GRID2: variants seen among roughly 807,000 people sequenced by gnomAD.
The protein encoded by GRID2 is glutamate ionotropic receptor delta type subunit 2.
In GRID2, 33 loss-of-function variants were observed where a neutral mutation model predicts 114.8. The observed-to-expected ratio is 0.29, with a 90% confidence interval of 0.22 to 0.38. The LOEUF (loss-of-function observed/expected upper bound fraction) is 0.38, where lower values mean the gene tolerates loss of function less well. GRID2 is among the 10% of genes least tolerant of loss of function. The pLI is 1.00. For missense variants in GRID2, 1,184 were observed against 1,257.7 expected, an observed-to-expected ratio of 0.94 and a Z score of 0.89; for synonymous variants, 505 against 449.9, an observed-to-expected ratio of 1.12 and a Z score of -1.55.
rs17020626 is a variant in GRID2, at chr4:93,456,512, T to C, written c.1858+538T>C. On this transcript the variant is annotated intron_variant, in intron 11 of 15. Transcript: ENST00000282020. ...TTTACTGGTGATTTAACTTACAATT[T>C]CACTATTTTCTAAAGAATGTCATTG... is the stretch of plus-strand genomic sequence containing the variant. 7.8e-3 allele frequency among the ~76,000 whole-genome samples: 1,195 copies of C among 152,318 alleles called. 18 individuals carry two copies. Among genetic ancestry groups the C allele is most frequent in the African/African-American group, 0.028 (1,147 of 41,580 alleles).
At chr4:92,765,110 A>G (rs1738197659) in intron 2 of GRID2, among the ~76,000 whole-genome samples, 1 of 152,206 alleles carries the variant, frequency 6.6e-6, no homozygotes, top group Non-Finnish European at 1.5e-5. Context: ...ATTGGGAAAT[A>G]TATGGAATGT....
intron 1 of GRID2, among the ~76,000 whole-genome samples, chr4:92,385,892 GTGTGTGTGTA>G (rs1368765993): frequency 5.1e-5 from 4 of 78,840 alleles, no homozygotes; most frequent in Non-Finnish European, 7.8e-5. Flanking sequence ...GTGTGTGTGT[GTGTGTGTGTA>G]TATATATATA....
intron 1 of GRID2, among the ~76,000 whole-genome samples, chr4:92,431,274 T>G (rs1361460729): frequency 6.6e-6 from 1 of 152,192 alleles, no homozygotes; most frequent in Non-Finnish European, 1.5e-5. Context: ...TTGCAGTATA[T>G]TTTATCTATC....
intron 2 of GRID2, among the ~76,000 whole-genome samples, chr4:92,809,691 T>A (rs959114244): frequency 2.0e-5 from 3 of 151,980 alleles, no homozygotes; most frequent in African/African-American, 7.2e-5. Context: ...AGAAATAGGA[T>A]AAAACAAGAT....
chr4:93,238,173 T>A (rs1273163816), intron 7 of GRID2, among the ~76,000 whole-genome samples, 198 bp from the exon 8 acceptor site: 2 of 151,850 alleles, frequency 1.3e-5, no homozygotes, highest in Non-Finnish European at 2.9e-5. Flanking sequence ...TGAGATTGGA[T>A]TAAGGAATTT....
Position 92,850,253 on chromosome 4 carries a change from A to G in GRID2, c.245-234742A>G, listed in dbSNP as rs536378313. ...ACATACTGGTTCTATTTAGATATAC[A>G]TTGAAATAAAATATTTTCATAATTC... On this transcript the variant is annotated intron_variant, in intron 2 of 15. Transcript: ENST00000282020. Among the ~76,000 whole-genome samples, 5 of 151,776 alleles carry G rather than the reference A, an allele frequency of 3.3e-5. No homozygotes were observed. The East Asian group carries it at 9.7e-4, about 29-fold the overall frequency.
At chr4:93,649,796 T>C (rs1325600211) in intron 14 of GRID2, among the ~76,000 whole-genome samples, 1 of 152,140 alleles carries the variant, frequency 6.6e-6, no homozygotes, top group Non-Finnish European at 1.5e-5. Flanking sequence ...CTATTATCAG[T>C]CTTGTGTAAT....
intron 8 of GRID2, among the ~76,000 whole-genome samples, chr4:93,276,730 G>A (rs1029757049): frequency 5.3e-5 from 8 of 151,922 alleles, no homozygotes; most frequent in Non-Finnish European, 8.8e-5. Context: ...TTGCCAGTAT[G>A]TAGAAATATA....
intron 8 of GRID2, among the ~76,000 whole-genome samples, chr4:93,382,650 C>G (rs578114199): frequency 6.6e-6 from 1 of 151,866 alleles, no homozygotes; most frequent in East Asian, 1.9e-4. Context: ...CTCTACTTTT[C>G]TTTTAGTTCT....
intron 14 of GRID2, among the ~76,000 whole-genome samples, chr4:93,648,036 G>C (rs530579762): frequency 2.2e-4 from 33 of 152,214 alleles, no homozygotes; most frequent in African/African-American, 6.7e-4. Context: ...GGCTGAGCTA[G>C]GATTTGAATC....
In GRID2 at chr4:93,713,129, T is replaced by G. The variant is rs866704926; in HGVS notation, c.2361-56081T>G. On this transcript the variant is annotated intron_variant, in intron 14 of 15. Transcript: ENST00000282020. Reference sequence around the variant, plus strand: ...ATTTGGGAAATTCTTTCCAAATAATTTAGATGTTAGACAATGAATTTCTAA... The same window carrying G: ...ATTTGGGAAATTCTTTCCAAATAATGTAGATGTTAGACAATGAATTTCTAA... Among the ~76,000 whole-genome samples, 23 of 152,318 alleles carry G rather than the reference T, an allele frequency of 1.5e-4. No individual in the cohort carries two copies. The Middle Eastern group carries it at 0.017, about 113-fold the overall frequency.
chr4:93,304,711 A>T (rs931747382), intron 8 of GRID2, among the ~76,000 whole-genome samples: 1 of 152,174 alleles, frequency 6.6e-6, no homozygotes, highest in Middle Eastern at 3.2e-3. Context: ...AAATTAAACT[A>T]AAACAAAACA....
At chr4:93,069,484 G>A (rs1172609028) in intron 2 of GRID2, among the ~76,000 whole-genome samples, 2 of 151,970 alleles carry the variant, frequency 1.3e-5, no homozygotes, top group African/African-American at 4.8e-5. Flanking sequence ...TTACAAGGGT[G>A]TACTGACTCT....
chr4:92,825,279 A>C (rs1047361166), intron 2 of GRID2, among the ~76,000 whole-genome samples: 5 of 152,096 alleles, frequency 3.3e-5, no homozygotes, highest in Non-Finnish European at 5.9e-5. Flanking sequence ...AAAAAAATTC[A>C]CCTTCCATTG....
intron 14 of GRID2, among the ~76,000 whole-genome samples, chr4:93,745,039 T>C (rs1731726406): frequency 6.6e-6 from 1 of 152,210 alleles, no homozygotes; most frequent in Admixed American, 6.5e-5. Context: ...ATTATATTTT[T>C]AATAGACTGT....
At chr4:93,085,544 C>G (rs1056007488) in intron 3 of GRID2, among the ~76,000 whole-genome samples, 10 of 152,100 alleles carry the variant, frequency 6.6e-5, no homozygotes, top group African/African-American at 2.4e-4. Context: ...GAATCTGATT[C>G]CAATACATCT....
Position 93,006,751 on chromosome 4 carries a change from G to A in GRID2, c.245-78244G>A, listed in dbSNP as rs78562346. On this transcript the variant is annotated intron_variant, in intron 2 of 15. Coordinates refer to ENST00000282020, the MANE Select transcript of GRID2 (RefSeq NM_001510.4). ...ATAAAATTTTCTCTGACCTTCCACC[G>A]GTGGTTGCTTGTTTAGGAAAACCTT... 5.8e-3 allele frequency among the ~76,000 whole-genome samples: 877 copies of A among 150,848 alleles called. 3 individuals are homozygous for A. Among genetic ancestry groups the A allele is most frequent in the African/African-American group, 0.02 (827 of 41,224 alleles).
At chr4:92,575,927 G>A (rs1188006724) in intron 1 of GRID2, among the ~76,000 whole-genome samples, 2 of 152,176 alleles carry the variant, frequency 1.3e-5, no homozygotes, top group African/African-American at 2.4e-5. Context: ...ACCCTCCCAT[G>A]AGAAGGAGTG....
intron 14 of GRID2, among the ~76,000 whole-genome samples, chr4:93,680,027 C>T (rs1337817118): frequency 1.3e-5 from 2 of 150,824 alleles, no homozygotes; most frequent in Non-Finnish European, 3.0e-5. Flanking sequence ...TGATAGACCG[C>T]TAGCAAGACT....
Sources: allele counts gnomAD v4.1 joint callset (sites outside exome capture counted in the v4.1 genomes callset), GRCh38; gene constraint gnomAD v4.1.1; transcripts MANE v1.5; gene names NCBI Gene and HGNC (gene_info 2026-07-23, HGNC 2026-07-21).